SEC24B: variants seen among roughly 807,000 people sequenced by gnomAD.
SEC24B encodes protein transport protein Sec24B.
In SEC24B, 45 loss-of-function variants were observed where a neutral mutation model predicts 142.8. The ratio of observed to expected loss-of-function variants is 0.32; its 90% CI spans 0.25 to 0.40. The LOEUF (loss-of-function observed/expected upper bound fraction) is 0.40. Ranked by LOEUF, SEC24B falls within the 10% of genes least tolerant of loss-of-function variation. The probability of loss-of-function intolerance (pLI) is 1.00; values close to 1 mark genes in which losing one functional copy is unlikely to be tolerated. For synonymous variants in SEC24B, 574 were observed against 568.2 expected, an observed-to-expected ratio of 1.01 and a Z score of -0.15; for missense variants, 1,409 against 1,526.8, an observed-to-expected ratio of 0.92 and a Z score of 1.29.
chr4:109,526,662 C>A (rs1235178374), intron 17 of SEC24B, among the ~76,000 whole-genome samples: 1 of 152,070 alleles, frequency 6.6e-6, no homozygotes, highest in Non-Finnish European at 1.5e-5. Context: ...CCAGCTATGC[C>A]ATTCTTTGTA....
At chr4:109,473,248 T>A in intron 3 of SEC24B, 62 bp downstream of exon 3, 2 of 1,165,442 alleles carry the variant, frequency 1.7e-6, no homozygotes, top group African/African-American at 1.6e-5. Context: ...ATAGAAGATA[T>A]GAAAAAAAGT....
chr4:109,481,869 G>C, intron 4 of SEC24B, 88 bp downstream of exon 4: 2 of 909,680 alleles, frequency 2.2e-6, no homozygotes, highest in Non-Finnish European at 3.3e-6. Context: ...TTTTAAAAAA[G>C]AGTCTTTGAA....
intron 22 of SEC24B, among the ~76,000 whole-genome samples, chr4:109,536,245 A>G (rs1307936032): frequency 2.0e-5 from 3 of 152,190 alleles, no homozygotes; most frequent in Non-Finnish European, 2.9e-5. Flanking sequence ...TTATTTAAGT[A>G]CCATGATACT....
chr4:109,514,188 G>T (rs1403796291), intron 10 of SEC24B, among the ~76,000 whole-genome samples: 1 of 152,082 alleles, frequency 6.6e-6, no homozygotes, highest in Non-Finnish European at 1.5e-5. Context: ...ACAGAGAAAT[G>T]CACATTTTTG....
At chr4:109,522,775 GTGTT>G (rs1005227121) in intron 14 of SEC24B, among the ~76,000 whole-genome samples, 8 of 152,194 alleles carry the variant, frequency 5.3e-5, no homozygotes, top group Non-Finnish European at 1.2e-4. Flanking sequence ...ATATGTGTGT[GTGTT>G]TGACCTTTTT....
At chr4:109,538,912 G>T (rs1725859937) in intron 23 of SEC24B, among the ~76,000 whole-genome samples, 1 of 151,880 alleles carries the variant, frequency 6.6e-6, no homozygotes, top group African/African-American at 2.4e-5. Context: ...AGACTCCCGA[G>T]TAGCTGGGAC....
chr4:109,442,464 A>G (rs1311726780), intron 1 of SEC24B, among the ~76,000 whole-genome samples: 2 of 152,206 alleles, frequency 1.3e-5, no homozygotes, highest in Admixed American at 1.3e-4. Context: ...TGAGTGATGA[A>G]TGAATTCAGT....
At chr4:109,508,999 G>A (rs187310054) in intron 7 of SEC24B, among the ~76,000 whole-genome samples, 86 of 152,320 alleles carry the variant, frequency 5.6e-4, no homozygotes, top group Admixed American at 1.0e-3. Flanking sequence ...ATAATGTAAT[G>A]TTTAGGGTAT....
intron 2 of SEC24B, among the ~76,000 whole-genome samples, chr4:109,467,281 G>C (rs1011547684): frequency 4.8e-5 from 7 of 145,050 alleles, no homozygotes; most frequent in Admixed American, 2.1e-4. Context: ...AGCCGAGATC[G>C]CGCCACTGCA....
At chr4:109,445,044 C>G (rs1055520284) in intron 1 of SEC24B, among the ~76,000 whole-genome samples, 1 of 151,996 alleles carries the variant, frequency 6.6e-6, no homozygotes, top group Non-Finnish European at 1.5e-5. Flanking sequence ...CCACCTCAGC[C>G]TCTTGAGTAG....
chr4:109,485,407 G>A (rs1339523749), intron 4 of SEC24B, among the ~76,000 whole-genome samples: 2 of 152,148 alleles, frequency 1.3e-5, no homozygotes, highest in African/African-American at 4.8e-5. Context: ...GAAAAAGAAG[G>A]TGTCTTCCTA....
chr4:109,525,584 G>A lies in SEC24B; in HGVS notation c.2791+80G>A, dbSNP rs1249613790. 1.9e-5 allele frequency: 17 copies of A among 889,918 alleles called. No individual in the cohort carries two copies. In the East Asian group the frequency reaches 3.9e-4, roughly 21 times the overall value. The allele number at this position is 889,918 out of a possible 1,614,324, so 55.1% of individuals were successfully genotyped here. A position where few individuals can be genotyped will look rare whatever the true frequency, so the allele number is the denominator to read the frequency against. ...AGCATTCCATGTATTGACTACCTCT[G>A]ACTGTTCATGATGGAAGACTGTTTG... is the stretch of plus-strand genomic sequence containing the variant. On this transcript the variant is annotated intron_variant, in intron 16 of 23. Coordinates refer to ENST00000265175, the MANE Select transcript of SEC24B (RefSeq NM_006323.5).
Position 109,462,979 on chromosome 4 carries a change from A to C in SEC24B, c.212A>C (p.Tyr71Ser), listed in dbSNP as rs1284322608. 1.9e-6 allele frequency: 3 copies of C among 1,613,912 alleles called. No individual in the cohort carries two copies. Among genetic ancestry groups the C allele is most frequent in the Non-Finnish European group, 2.5e-6 (3 of 1,179,958 alleles). Residue 71 changes from tyrosine to serine, a missense_variant, in exon 2 of 24, where the codon TAC becomes TCC. Tyr to Ser is a moderately radical substitution (Grantham distance 144, BLOSUM62 -2). This residue lies in a region of SEC24B where 709 missense variants were observed against 673.5 expected (regional missense o/e 1.05). Coordinates refer to ENST00000265175, the MANE Select transcript of SEC24B (RefSeq NM_006323.5). ...HQNYIAPSGH[Y>S]SQGPGKMTSL... ...AACTATATTGCTCCCTCAGGACATT[A>C]CTCTCAAGGACCTGGGAAAATGACC...
In SEC24B at chr4:109,531,425, G is replaced by A. The variant is rs776160052; in HGVS notation, c.3293G>A (p.Arg1098His). 3 of 1,613,248 alleles carry A rather than the reference G, an allele frequency of 1.9e-6. No homozygotes were observed. The highest frequency in any genetic ancestry group is 3.3e-5 in the Admixed American group (2 of 59,998). The part of the protein sequence containing the change: ...RTGTSTRLDD[R>H]VYAMCQIKSQ... ...GGTACAAGCACACGGCTGGATGATC[G>A]TGTATATGCCATGTGTCAGATAAAG... The change falls in exon 20 of 24, where the codon CGT becomes CAT. Residue 1098 changes from arginine (R) to histidine (H), a missense_variant. By Grantham distance (29) the Arg-to-His change is conservative (BLOSUM62 0). This residue lies in a region of SEC24B where 700 missense variants were observed against 853.3 expected (regional missense o/e 0.82). Coordinates refer to ENST00000265175, the MANE Select transcript of SEC24B (RefSeq NM_006323.5).
chr4:109,525,062 C>A (rs1724070199), intron 15 of SEC24B, 121 bp downstream of exon 15: 2 of 889,526 alleles, frequency 2.2e-6, no homozygotes, highest in South Asian at 4.1e-5. Context: ...ATTAGATAGA[C>A]AATATCTATG....
intron 3 of SEC24B, among the ~76,000 whole-genome samples, chr4:109,477,754 A>G (rs904934976): frequency 3.3e-5 from 5 of 152,184 alleles, no homozygotes; most frequent in African/African-American, 1.2e-4. Flanking sequence ...ATATACTACT[A>G]AGTACTAACA....
chr4:109,519,163 A>G (rs1723321905), intron 11 of SEC24B, among the ~76,000 whole-genome samples: 3 of 152,148 alleles, frequency 2.0e-5, no homozygotes, highest in Admixed American at 6.6e-5. Context: ...TGGAGGTACT[A>G]AAATACCAGG....
Position 109,439,474 on chromosome 4 carries a change from A to AT in SEC24B, c.133+5517dup, listed in dbSNP as rs70949077. 2.5e-4 allele frequency among the ~76,000 whole-genome samples: 11 copies of AT among 43,994 alleles called. 1 individual carries two copies. Among genetic ancestry groups the AT allele is most frequent in the South Asian group, 8.1e-4 (1 of 1,228 alleles). 28.9% of individuals were successfully genotyped at this position (43,994 alleles called of 152,430 possible). On this transcript the variant is annotated intron_variant, in intron 1 of 23. Coordinates refer to ENST00000265175, the MANE Select transcript of SEC24B (RefSeq NM_006323.5). ...GAATACATAATTTCCTCCTAAGCTG[A>AT]TTTTTTTTTTTTTTTTTTTTTTTTT... is the stretch of plus-strand genomic sequence containing the variant.
intron 6 of SEC24B, among the ~76,000 whole-genome samples, chr4:109,500,222 G>T (rs537412916): frequency 3.3e-5 from 5 of 152,252 alleles, no homozygotes; most frequent in Non-Finnish European, 5.9e-5. Flanking sequence ...TTAGATTGGT[G>T]CAAAAGTCAT....
Sources: allele counts gnomAD v4.1 joint callset (sites outside exome capture counted in the v4.1 genomes callset), GRCh38; gene constraint gnomAD v4.1.1; regional missense constraint gnomAD v4.1.1; transcripts MANE v1.5; gene names NCBI Gene and HGNC (gene_info 2026-07-23, HGNC 2026-07-21).